SAFB2: variants seen among roughly 807,000 people sequenced by gnomAD.
SAFB2 encodes scaffold attachment factor B2.
Under a neutral mutation model 100.6 loss-of-function variants are expected in SAFB2, and 32 were observed. The observed-to-expected ratio is 0.32, with a 90% CI of 0.24 to 0.43. The LOEUF (loss-of-function observed/expected upper bound fraction) is 0.43, where lower values mean the gene tolerates loss of function less well. Ranked by LOEUF, SAFB2 falls within the 20% of genes least tolerant of loss-of-function variation. The pLI is 1.00. For synonymous variants in SAFB2, 500 were observed against 439.4 expected (o/e 1.14, Z -1.72); for missense variants, 1,185 against 1,163.4 (o/e 1.02, Z -0.27).
intron 13 of SAFB2, 60 bp from the exon 14 acceptor site, chr19:5,595,557 A>C: frequency 1.9e-6 from 3 of 1,592,006 alleles, no homozygotes; most frequent in Non-Finnish European, 2.6e-6. Flanking sequence ...CAAACAATGG[A>C]GATTATGCAC....
intron 17 of SAFB2, chr19:5,591,246 C>G (rs1309429593): frequency 1.3e-5 from 2 of 150,896 alleles, no homozygotes; most frequent in Non-Finnish European, 2.9e-5. Context: ...GAAACTTGAG[C>G]ATTACAAAAC....
intron 11 of SAFB2, among the ~76,000 whole-genome samples, chr19:5,603,293 T>C (rs2052703452): frequency 6.6e-6 from 1 of 152,128 alleles, no homozygotes; most frequent in African/African-American, 2.4e-5. Flanking sequence ...ATAATTCCAA[T>C]TAAAAATAAT....
chr19:5,604,176 C>G (rs1282030324), intron 11 of SAFB2, among the ~76,000 whole-genome samples: 1 of 152,154 alleles, frequency 6.6e-6, no homozygotes, highest in South Asian at 2.1e-4. Flanking sequence ...TTTGAGAGGC[C>G]AAGGCGGGCA....
chr19:5,601,500 G>A (rs1416460767), intron 11 of SAFB2, among the ~76,000 whole-genome samples: 1 of 152,050 alleles, frequency 6.6e-6, no homozygotes, highest in Non-Finnish European at 1.5e-5. Flanking sequence ...CACAAGGTCA[G>A]GAGTTCGAGA....
intron 18 of SAFB2, 104 bp from the exon 19 acceptor site, chr19:5,588,084 CACA>C: frequency 1.0e-6 from 1 of 973,372 alleles, no homozygotes; most frequent in African/African-American, 1.6e-5. Context: ...GGTCATGCCA[CACA>C]ACAAGGGCTG....
At position 5,613,575 on chromosome 19, in the gene SAFB2, A is replaced by G. The variant is rs901117284; in HGVS notation, c.544-48T>C. ...ACTTCGTGGAGGCTGGAGCTATGAA[A>G]ACCAAGGCTGACACCTCGCTTAGGC... On this transcript the variant is annotated intron_variant, in intron 4 of 20. Coordinates refer to ENST00000252542, the MANE Select transcript of SAFB2 (RefSeq NM_014649.3). The G allele has an allele frequency of 3.8e-6, 6 of 1,597,234 alleles. No individual in the cohort carries two copies. In the African/African-American group the frequency reaches 8.1e-5, roughly 22 times the overall value.
Position 5,587,636 on chromosome 19 carries a change from CA to C in SAFB2, c.2705+64del. On this transcript the variant is annotated intron_variant, in intron 20 of 20. Coordinates refer to ENST00000252542, the MANE Select transcript of SAFB2 (RefSeq NM_014649.3). This position sits in a 1 kb window ranked among gnomAD's most constrained non-coding sequence, Gnocchi z 4.9. ...CAACCCAGCCAGCTGATCAAACATG[CA>C]AAAAAGGGAGAGGAAGTGAGGAGCA... 1.3e-6 allele frequency: 2 copies of C among 1,484,740 alleles called. No homozygotes were observed. The highest frequency in any genetic ancestry group is 1.4e-5 in the African/African-American group (1 of 70,148). 92.0% of individuals were successfully genotyped at this position (1,484,740 alleles called of 1,614,324 possible). A position where few individuals can be genotyped will look rare whatever the true frequency, so the allele number is the denominator to read the frequency against.
Position 5,590,395 on chromosome 19 carries a change from T to C in SAFB2, c.2408A>G (p.Asp803Gly). ...DHRDGQHYGD[D>G]RHGHGGPPER... is the part of the protein sequence containing the mutation. ...TGGGGGTCCTCCGTGGCCATGGCGG[T>C]CATCTCCATAGTGCTGGAAGGCAGG... Residue 803 changes from aspartate to glycine, a missense_variant, in exon 18 of 21, where the codon GAC becomes GGC. Coordinates refer to ENST00000252542, the MANE Select transcript of SAFB2 (RefSeq NM_014649.3). 6.2e-7 allele frequency: 1 copy of C among 1,610,628 alleles called. No individual in the cohort carries two copies. Among genetic ancestry groups the C allele is most frequent in the Non-Finnish European group, 8.5e-7 (1 of 1,178,694 alleles).
chr19:5,587,714 C>T lies in SAFB2; in HGVS notation c.2692G>A (p.Gly898Ser), dbSNP rs1313955276. The change falls in exon 20 of 21, where the codon GGT becomes AGT. Residue 898 changes from glycine (G) to serine (S), a missense_variant. Around this residue, in one of 3 missense-constraint regions of SAFB2, gnomAD observed 740 missense variants for 687.1 expected, o/e 1.08. Coordinates refer to ENST00000252542, the MANE Select transcript of SAFB2 (RefSeq NM_014649.3). The surrounding 1 kb of genome is among the most constrained non-coding windows in gnomAD (Gnocchi z 4.9). ...GACACACCTTACCCCGCCACTCCAC[C>T]GCGGCTTGCCATGTGCCCCGGCCCC... ...PSGPGHMASR[G>S]GVAGRGGFAQ... 30 of 1,551,614 alleles carry T rather than the reference C, an allele frequency of 1.9e-5. No homozygotes were observed. Among genetic ancestry groups the T allele is most frequent in the South Asian group, 3.6e-5 (3 of 84,008 alleles).
intron 13 of SAFB2, 85 bp downstream of exon 13, chr19:5,598,708 G>A (rs974337500): frequency 2.4e-6 from 3 of 1,253,806 alleles, no homozygotes; most frequent in Admixed American, 3.5e-5. Context: ...AGGCAAAACA[G>A]TGCTGTTTTC....
Position 5,587,999 on chromosome 19 carries a change from A to G in SAFB2, c.2526-19T>C. 1 of 1,602,936 alleles carries G rather than the reference A, an allele frequency of 6.2e-7. No homozygotes were observed. Among genetic ancestry groups the G allele is most frequent in the Admixed American group, 1.7e-5 (1 of 59,028 alleles). ...GCCACCCCTTTGCCAAAAGAAAAAG[A>G]CATGCAGCCATCTAATGAGCCTCCA... On this transcript the variant is annotated intron_variant, in intron 18 of 20. Transcript: ENST00000252542. The surrounding 1 kb of genome is among the most constrained non-coding windows in gnomAD (Gnocchi z 4.9).
chr19:5,604,493 G>T, intron 11 of SAFB2, 90 bp downstream of exon 11: 1 of 891,164 alleles, frequency 1.1e-6, no homozygotes, highest in East Asian at 2.6e-5. Context: ...GGGTACAGGT[G>T]GGGACAGATG....
intron 16 of SAFB2, 106 bp from the exon 17 acceptor site, chr19:5,591,899 A>C: frequency 9.3e-7 from 1 of 1,080,224 alleles, no homozygotes; most frequent in Middle Eastern, 2.0e-4. Flanking sequence ...CCATCACATA[A>C]AAACTATAAC....
chr19:5,601,711 AAAATAAAT>A (rs10647558), intron 11 of SAFB2, among the ~76,000 whole-genome samples: 431 of 144,836 alleles, frequency 3.0e-3, no homozygotes, highest in African/African-American at 7.9e-3. Context: ...ACTCCATCTC[AAAATAAAT>A]AAATAAATAA....
At chr19:5,592,360 G>A (rs368261493) in intron 16 of SAFB2, among the ~76,000 whole-genome samples, 3 of 152,112 alleles carry the variant, frequency 2.0e-5, no homozygotes, top group South Asian at 2.1e-4. Context: ...CCAGACCCTC[G>A]AAATACAAAA....
intron 2 of SAFB2, among the ~76,000 whole-genome samples, chr19:5,618,074 C>T (rs1032175067): frequency 1.3e-5 from 2 of 152,148 alleles, no homozygotes; most frequent in East Asian, 3.9e-4. Flanking sequence ...AGCCTGAGAG[C>T]TTGAGGCTGC....
At chr19:5,599,378 G>A (rs981665262) in intron 12 of SAFB2, among the ~76,000 whole-genome samples, 3 of 152,188 alleles carry the variant, frequency 2.0e-5, no homozygotes, top group Admixed American at 6.5e-5. Flanking sequence ...CCTGACGACA[G>A]AACCACCAGG....
intron 18 of SAFB2, among the ~76,000 whole-genome samples, chr19:5,589,885 C>A (rs2052351449): frequency 6.6e-6 from 1 of 152,130 alleles, no homozygotes. Context: ...AGAGAAAAAA[C>A]CCGAGGAAGA....
intron 18 of SAFB2, among the ~76,000 whole-genome samples, chr19:5,589,987 T>C (rs1477666718): frequency 2.6e-5 from 4 of 152,286 alleles, no homozygotes; most frequent in Admixed American, 6.5e-5. Flanking sequence ...TCTCCCAGTG[T>C]GTACGCAGCC....
Sources: gnomAD v4.1 joint callset for allele counts (sites outside exome capture counted in the v4.1 genomes callset) on GRCh38, gnomAD v4.1.1 for gene constraint, gnomAD v4.1.1 regional missense constraint, Gnocchi (gnomAD v3.1) non-coding constraint, MANE v1.5 for transcripts, NCBI Gene and HGNC (gene_info 2026-07-23, HGNC 2026-07-21) for gene names.